TAF1B: variants seen among roughly 807,000 people sequenced by gnomAD.
The protein encoded by TAF1B is TATA-box binding protein associated factor, RNA polymerase I subunit B, also known as TATA box-binding protein-associated factor RNA polymerase I subunit B.
A neutral mutation model predicts 83.9 loss-of-function variants in TAF1B; 61 were observed. The ratio of observed to expected loss-of-function variants is 0.73; its 90% CI spans 0.59 to 0.90. TAF1B has a LOEUF of 0.90. Among genes scored for constraint, TAF1B ranks in the 40% least tolerant of loss-of-function variants. The pLI is 0.00. For missense variants in TAF1B, 625 were observed against 677.0 expected, an observed-to-expected ratio of 0.92 and a Z score of 0.85; for synonymous variants, 221 against 224.6, an observed-to-expected ratio of 0.98 and a Z score of 0.14.
intron 14 of TAF1B, among the ~76,000 whole-genome samples, chr2:9,921,988 C>T (rs756907780): frequency 1.3e-5 from 2 of 152,110 alleles, no homozygotes; most frequent in Non-Finnish European, 1.5e-5. Context: ...CAGTAATTAA[C>T]GTGTGAAAAA....
intron 11 of TAF1B, among the ~76,000 whole-genome samples, chr2:9,912,936 G>T (rs927547286): frequency 6.6e-6 from 1 of 152,162 alleles, no homozygotes; most frequent in Non-Finnish European, 1.5e-5. Context: ...GACTGCCTTC[G>T]CCAGAGAATA....
chr2:9,848,647 C>T (rs913852248), intron 2 of TAF1B, among the ~76,000 whole-genome samples: 4 of 148,762 alleles, frequency 2.7e-5, no homozygotes, highest in African/African-American at 9.9e-5. Context: ...GCCTGGGCGA[C>T]GAGAGCGAAA....
intron 11 of TAF1B, among the ~76,000 whole-genome samples, chr2:9,912,082 T>C (rs4669492): frequency 0.51 from 78,212 of 152,084 alleles, 23,120 homozygotes; most frequent in Non-Finnish European, 0.68. Flanking sequence ...GTTCAGACTT[T>C]TGCTAGATGT....
intron 8 of TAF1B, among the ~76,000 whole-genome samples, chr2:9,893,735 C>T (rs2125162824): frequency 6.6e-6 from 1 of 152,202 alleles, no homozygotes; most frequent in Middle Eastern, 3.4e-3. Flanking sequence ...CAGAAAACTA[C>T]ATACTATGGT....
At chr2:9,923,819 A>G (rs1256007447) in intron 14 of TAF1B, among the ~76,000 whole-genome samples, 1 of 152,216 alleles carries the variant, frequency 6.6e-6, no homozygotes, top group Non-Finnish European at 1.5e-5. Context: ...TTCAGATTTT[A>G]TCCTGAAGAG....
intron 3 of TAF1B, among the ~76,000 whole-genome samples, 172 bp from the exon 4 acceptor site, chr2:9,851,369 C>A (rs1473494779): frequency 6.6e-6 from 1 of 151,688 alleles, no homozygotes; most frequent in Non-Finnish European, 1.5e-5. Context: ...AGAATGGAAG[C>A]CCTCTTGAAT....
intron 6 of TAF1B, among the ~76,000 whole-genome samples, chr2:9,874,468 C>T (rs1018720761): frequency 6.6e-6 from 1 of 151,594 alleles, no homozygotes; most frequent in Non-Finnish European, 1.5e-5. Flanking sequence ...GAGAAAGTCT[C>T]TCCGTGTTGC....
intron 8 of TAF1B, among the ~76,000 whole-genome samples, chr2:9,892,879 C>A (rs397498): frequency 0.28 from 42,457 of 152,058 alleles, 6,915 homozygotes; most frequent in Middle Eastern, 0.4. Context: ...ATTCCCACCA[C>A]CAATGTACAA....
chr2:9,900,545 A>T (rs1213693690), intron 8 of TAF1B, among the ~76,000 whole-genome samples: 4 of 152,006 alleles, frequency 2.6e-5, no homozygotes, highest in Non-Finnish European at 5.9e-5. Context: ...CAAAAATAAT[A>T]ATAATAATAA....
intron 8 of TAF1B, among the ~76,000 whole-genome samples, chr2:9,902,690 T>C (rs1665217053): frequency 6.6e-6 from 1 of 152,254 alleles, no homozygotes; most frequent in South Asian, 2.1e-4. Flanking sequence ...TCACAAATAG[T>C]GTTGTTATGA....
chr2:9,858,548 C>T (rs765004182), intron 5 of TAF1B, among the ~76,000 whole-genome samples: 1 of 152,382 alleles, frequency 6.6e-6, no homozygotes, highest in East Asian at 1.9e-4. Context: ...CACATTTCTC[C>T]TCTGCATTGC....
intron 8 of TAF1B, among the ~76,000 whole-genome samples, chr2:9,889,237 C>A (rs933195654): frequency 3.3e-5 from 5 of 151,940 alleles, no homozygotes; most frequent in Admixed American, 3.3e-4. Flanking sequence ...ACATGCTAGA[C>A]CACTTGATAT....
intron 14 of TAF1B, among the ~76,000 whole-genome samples, chr2:9,920,586 C>CGGGGG (rs139852104): frequency 4.4e-5 from 5 of 113,296 alleles, no homozygotes; most frequent in African/African-American, 1.8e-4. Context: ...GGGCGGGGGG[C>CGGGGG]GGGGGGTCCA....
At chr2:9,889,238 C>T (rs1459475829) in intron 8 of TAF1B, among the ~76,000 whole-genome samples, 1 of 151,960 alleles carries the variant, frequency 6.6e-6, no homozygotes, top group African/African-American at 2.4e-5. Flanking sequence ...CATGCTAGAC[C>T]ACTTGATATG....
Position 9,911,519 on chromosome 2 carries a change from C to A in TAF1B, c.1142C>A (p.Ser381Tyr). The A allele has an allele frequency of 6.6e-7, 1 of 1,512,776 alleles. No homozygotes were observed. The highest frequency in any genetic ancestry group is 8.9e-7 in the Non-Finnish European group (1 of 1,124,004). 93.7% of individuals were successfully genotyped at this position (1,512,776 alleles called of 1,614,324 possible). The change falls in exon 11 of 15, where the codon TCT (serine) becomes TAT (tyrosine). Residue 381 changes from serine (S) to tyrosine (Y), a missense_variant. Coordinates refer to ENST00000263663, the MANE Select transcript of TAF1B (RefSeq NM_005680.3). The part of the protein sequence containing the change: ...LLDDSFEWSL[S>Y]NLAEKHNEKN... The stretch of plus-strand genomic sequence containing the variant: ...TTTATTGTTATCTCCAGGTCTTTGT[C>A]TAATCTTGCTGAAAAGCATAATGAA...
In TAF1B at chr2:9,933,878, C is replaced by G; in HGVS notation, c.1661C>G (p.Thr554Ser). ...TTCTCCTTCCTGCTCAGAATAAAGA[C>G]TTCCCTTCTCCATGAAGAAGTGAGC... The part of the protein sequence containing the change: ...NLFSFLLRIK[T>S]SLLHEEVSLV... The change falls in exon 15 of 15, where the codon ACT (threonine) becomes AGT (serine). Residue 554 changes from threonine to serine, a missense_variant. Thr to Ser is a moderately conservative substitution (Grantham distance 58). Coordinates refer to ENST00000263663, the MANE Select transcript of TAF1B (RefSeq NM_005680.3). 6.2e-7 allele frequency: 1 copy of G among 1,613,690 alleles called. No homozygotes were observed. The highest frequency in any genetic ancestry group is 8.5e-7 in the Non-Finnish European group (1 of 1,179,680).
chr2:9,895,690 C>G (rs979077898), intron 8 of TAF1B, among the ~76,000 whole-genome samples: 10 of 151,916 alleles, frequency 6.6e-5, no homozygotes, highest in African/African-American at 2.4e-4. Flanking sequence ...CTTGTTAATT[C>G]TCCTTTGTTA....
Position 9,845,237 on chromosome 2 carries a change from C to A in TAF1B, c.36C>A (p.Arg12=), listed in dbSNP as rs766127604. The A allele has an allele frequency of 2.9e-5, 46 of 1,613,682 alleles. No homozygotes were observed. The Admixed American group carries it at 7.7e-4, about 27-fold the overall frequency. ...DLEEAEEFKE[R]CTQCAAVSWG... is the part of the protein sequence containing the mutation. ...TCCCATAGGAAGAGTTTAAAGAACG[C>A]TGTACTCAGTGTGCTGCTGTCTCAT... The change falls in exon 2 of 15, where the codon CGC becomes CGA. Residue 12 remains arginine, a synonymous_variant. Transcript: ENST00000263663.
chr2:9,934,174 A>AT lies in TAF1B; in HGVS notation c.*195dup, dbSNP rs1666305092. 2.0e-6 allele frequency: 1 copy of AT among 511,356 alleles called. No individual in the cohort carries two copies. The highest frequency in any genetic ancestry group is 3.1e-5 in the South Asian group (1 of 32,040). 31.7% of individuals were successfully genotyped at this position (511,356 alleles called of 1,614,324 possible). The stretch of plus-strand genomic sequence containing the variant: ...AAGCAGGTGAGCTTCATTTGATTTT[A>AT]TTTTTCAGAGTATGAACATTCTAAG... On this transcript the variant is annotated 3_prime_UTR_variant, in exon 15 of 15. Transcript: ENST00000263663.
Sources: allele counts gnomAD v4.1 joint callset (sites outside exome capture counted in the v4.1 genomes callset), GRCh38; gene constraint gnomAD v4.1.1; transcripts MANE v1.5; gene names NCBI Gene and HGNC (gene_info 2026-07-23, HGNC 2026-07-21).